Variants in RPS6KA5 observed in about 807,000 individuals in gnomAD.
The protein encoded by RPS6KA5 is ribosomal protein S6 kinase A5, also known as ribosomal protein S6 kinase alpha-5.
RPS6KA5 carries 27 observed loss-of-function variants against 85.5 expected under a neutral mutation model. The ratio of observed to expected loss-of-function variants is 0.32; its 90% CI spans 0.23 to 0.44. RPS6KA5 has a LOEUF of 0.44. RPS6KA5 is among the 20% of genes least tolerant of loss of function. The pLI, the probability that RPS6KA5 is intolerant of heterozygous loss-of-function variation, is 1.00. For synonymous variants in RPS6KA5, 334 were observed against 348.2 expected, an observed-to-expected ratio of 0.96 and a Z score of 0.46; for missense variants, 811 against 980.9, an observed-to-expected ratio of 0.83 and a Z score of 2.31.
At chr14:90,993,764 G>T (rs2040403447) in intron 2 of RPS6KA5, among the ~76,000 whole-genome samples, 1 of 152,080 alleles carries the variant, frequency 6.6e-6, no homozygotes, top group East Asian at 1.9e-4. Context: ...TTGTATGCAA[G>T]TACTTGTATT....
At position 90,868,253 on chromosome 14, in the gene RPS6KA5, G is replaced by A. The variant is rs1360787838; in HGVS notation, c.*3821C>T. The A allele has an allele frequency of 6.6e-6, 1 of 151,798 alleles. No homozygotes were observed. Among genetic ancestry groups the A allele is most frequent in the Non-Finnish European group, 1.5e-5 (1 of 67,938 alleles). The allele number at this position is 151,798 out of a possible 1,614,324, so 9.4% of individuals were successfully genotyped here. ...TAAAATTTTTTTTTCCCATTCTTGA[G>A]TTTTACAATGTCTCCTATCCAAACT... On this transcript the variant is annotated 3_prime_UTR_variant, in exon 17 of 17. Coordinates refer to ENST00000614987, the MANE Select transcript of RPS6KA5 (RefSeq NM_004755.4).
In RPS6KA5 at chr14:91,060,482, G is replaced by A; in HGVS notation, c.-48C>T. On this transcript the variant is annotated 5_prime_UTR_variant, in exon 1 of 17. Coordinates refer to ENST00000614987, the MANE Select transcript of RPS6KA5 (RefSeq NM_004755.4). ...GCGGGTCGCTACGAGGGGAACCCAG[G>A]AGACAGCGGACGCCCGTCCCCTCGC... is the stretch of plus-strand genomic sequence containing the variant. The A allele has an allele frequency of 7.5e-7, 1 of 1,333,358 alleles. No individual in the cohort carries two copies. The highest frequency in any genetic ancestry group is 3.0e-5 in the East Asian group (1 of 33,026). The allele number at this position is 1,333,358 out of a possible 1,614,324, so 82.6% of individuals were successfully genotyped here. A position where few individuals can be genotyped will look rare whatever the true frequency, so the allele number is the denominator to read the frequency against.
chr14:90,906,368 A>G lies in RPS6KA5; in HGVS notation c.807-69T>C, dbSNP rs1389970184. On this transcript the variant is annotated intron_variant, in intron 7 of 16. Coordinates refer to ENST00000614987, the MANE Select transcript of RPS6KA5 (RefSeq NM_004755.4). ...AAAAAAAAAAAAAGCATGGTGAAATACACTTTGAAACTGAACCACATGTGA... is the reference window on the plus strand; with the variant it reads ...AAAAAAAAAAAAAGCATGGTGAAATGCACTTTGAAACTGAACCACATGTGA... The G allele has an allele frequency of 7.1e-6, 9 of 1,263,728 alleles. No homozygotes were observed. In the East Asian group the frequency reaches 2.1e-4, roughly 30 times the overall value. 78.3% of individuals were successfully genotyped at this position (1,263,728 alleles called of 1,614,324 possible).
intron 3 of RPS6KA5, among the ~76,000 whole-genome samples, chr14:90,955,643 T>TTAAG (rs59830337): frequency 0.18 from 26,968 of 151,656 alleles, 5,565 homozygotes; most frequent in African/African-American, 0.5. Flanking sequence ...TTAAAATTAA[T>TTAAG]TTCTTTAAAA....
At chr14:90,933,057 T>A (rs866564413) in intron 5 of RPS6KA5, among the ~76,000 whole-genome samples, 10 of 152,256 alleles carry the variant, frequency 6.6e-5, no homozygotes, top group Non-Finnish European at 1.3e-4. Context: ...GCTACTGCTA[T>A]TCTCTTTCCT....
At chr14:90,915,808 AT>A (rs1334940452) in intron 7 of RPS6KA5, among the ~76,000 whole-genome samples, 1 of 151,538 alleles carries the variant, frequency 6.6e-6, no homozygotes, top group Non-Finnish European at 1.5e-5. Flanking sequence ...CTGTCTCAAC[AT>A]TAAAAAAATA....
At chr14:90,978,562 C>A in intron 2 of RPS6KA5, 38 bp from the exon 3 acceptor site, 2 of 1,463,792 alleles carry the variant, frequency 1.4e-6, no homozygotes, top group South Asian at 1.3e-5. Context: ...AATTAAAATG[C>A]TACACAGGCA....
chr14:90,872,370 G>A, intron 16 of RPS6KA5, 48 bp from the exon 17 acceptor site: 1 of 1,552,216 alleles, frequency 6.4e-7, no homozygotes, highest in Non-Finnish European at 8.7e-7. Flanking sequence ...AAGTACTGAA[G>A]CTTTCCTAGC....
intron 5 of RPS6KA5, among the ~76,000 whole-genome samples, chr14:90,935,007 G>C (rs140648684): frequency 6.6e-6 from 1 of 152,142 alleles, no homozygotes; most frequent in East Asian, 1.9e-4. Flanking sequence ...ACTGATTTTG[G>C]CAAATGACTG....
chr14:90,924,863 A>G (rs2036577597), intron 5 of RPS6KA5, among the ~76,000 whole-genome samples: 1 of 152,214 alleles, frequency 6.6e-6, no homozygotes, highest in Non-Finnish European at 1.5e-5. Flanking sequence ...GTATTTCTCA[A>G]TAAAGACTCT....
At chr14:91,036,097 G>GT (rs374422265) in intron 1 of RPS6KA5, among the ~76,000 whole-genome samples, 2 of 107,916 alleles carry the variant, frequency 1.9e-5, no homozygotes, top group South Asian at 5.9e-4. Context: ...AAAATAGACT[G>GT]TGGGGGGTGC....
chr14:90,957,094 T>C (rs2038562038), intron 3 of RPS6KA5, among the ~76,000 whole-genome samples: 1 of 151,962 alleles, frequency 6.6e-6, no homozygotes, highest in South Asian at 2.1e-4. Flanking sequence ...AGACAGAGTC[T>C]CACTCTGTCA....
At chr14:90,966,015 T>C (rs2039043370) in intron 3 of RPS6KA5, among the ~76,000 whole-genome samples, 1 of 152,156 alleles carries the variant, frequency 6.6e-6, no homozygotes, top group African/African-American at 2.4e-5. Flanking sequence ...CAGCTATACT[T>C]GTAAATGAAG....
At chr14:90,932,588 C>G (rs1344349818) in intron 5 of RPS6KA5, among the ~76,000 whole-genome samples, 1 of 152,194 alleles carries the variant, frequency 6.6e-6, no homozygotes, top group African/African-American at 2.4e-5. Context: ...CCACTCCCTT[C>G]CTCATACTCA....
In RPS6KA5 at chr14:91,060,583, T is replaced by C; in HGVS notation, c.-149A>G. The C allele has an allele frequency of 9.2e-7, 1 of 1,081,640 alleles. No individual in the cohort carries two copies. The highest frequency in any genetic ancestry group is 1.2e-6 in the Non-Finnish European group (1 of 848,552). 67.0% of individuals were successfully genotyped at this position (1,081,640 alleles called of 1,614,324 possible). ...ACGCAAAGACGAGTCTCTTTCCCGC[T>C]CTGGCCGCACGGCTCGCTCCTCGCC... On this transcript the variant is annotated 5_prime_UTR_variant, in exon 1 of 17. Transcript: ENST00000614987.
In RPS6KA5 at chr14:90,853,382, C is replaced by T. The variant is rs1595076015; in HGVS notation, c.*18692G>A. On this transcript the variant is annotated 3_prime_UTR_variant, in exon 17 of 17. Coordinates refer to ENST00000614987, the MANE Select transcript of RPS6KA5 (RefSeq NM_004755.4). Reference sequence around the variant, plus strand: ...ATCAAACTAAGATCTCCCATTAAGACATCAACAATGAAGTGGCTAATAAAA... The same window carrying T: ...ATCAAACTAAGATCTCCCATTAAGATATCAACAATGAAGTGGCTAATAAAA... The T allele has an allele frequency of 6.6e-6, 1 of 152,056 alleles. No individual in the cohort carries two copies. Among genetic ancestry groups the T allele is most frequent in the East Asian group, 1.9e-4 (1 of 5,188 alleles). The allele number at this position is 152,056 out of a possible 1,614,324, so 9.4% of individuals were successfully genotyped here.
intron 2 of RPS6KA5, among the ~76,000 whole-genome samples, chr14:90,991,030 A>G (rs2040284966): frequency 6.6e-6 from 1 of 152,114 alleles, no homozygotes; most frequent in African/African-American, 2.4e-5. Flanking sequence ...ACCTAAAATA[A>G]AAGTTGGGGA....
Position 90,933,180 on chromosome 14 carries a change from T to C in RPS6KA5, c.618+9898A>G, listed in dbSNP as rs373069100. 4.6e-5 allele frequency among the ~76,000 whole-genome samples: 7 copies of C among 152,330 alleles called. No individual in the cohort carries two copies. In the East Asian group the frequency reaches 1.2e-3, roughly 25 times the overall value. On this transcript the variant is annotated intron_variant, in intron 5 of 16. Coordinates refer to ENST00000614987, the MANE Select transcript of RPS6KA5 (RefSeq NM_004755.4). ...CAACCTTGAAACATTTTTTCACTTG[T>C]CTTCTGAGACAATCCACCTTGTTTT...
chr14:91,044,685 A>G (rs537267768), intron 1 of RPS6KA5, among the ~76,000 whole-genome samples: 1 of 152,196 alleles, frequency 6.6e-6, no homozygotes, highest in Admixed American at 6.5e-5. Flanking sequence ...AGCCTGGCCA[A>G]CATGGTGAAA....
Sources: allele counts gnomAD v4.1 joint callset (sites outside exome capture counted in the v4.1 genomes callset), GRCh38; gene constraint gnomAD v4.1.1; transcripts MANE v1.5; gene names NCBI Gene and HGNC (gene_info 2026-07-23, HGNC 2026-07-21).